SLC38A11: variants seen among roughly 807,000 people sequenced by gnomAD.
The protein encoded by SLC38A11 is solute carrier family 38 member 11, also known as putative sodium-coupled neutral amino acid transporter 11.
Under a neutral mutation model 49.4 loss-of-function variants are expected in SLC38A11, and 51 were observed. The ratio of observed to expected loss-of-function variants is 1.03; its 90% CI spans 0.83 to 1.30. SLC38A11 has a LOEUF of 1.30. Ranked by LOEUF, SLC38A11 falls within the 50% of genes most tolerant of loss-of-function variation. SLC38A11 has a pLI of 0.00. For synonymous variants in SLC38A11, 203 were observed against 192.9 expected, an observed-to-expected ratio of 1.05 and a Z score of -0.43; for missense variants, 574 against 556.2, an observed-to-expected ratio of 1.03 and a Z score of -0.32.
In SLC38A11 at chr2:164,937,410, C is replaced by A. The variant is rs760621838; in HGVS notation, c.557G>T (p.Gly186Val). The stretch of plus-strand genomic sequence containing the variant: ...AATTCCAAGAATCAGAGTTGTTAAA[C>A]CTGTAGAGATGAGGGAGACCTGTAA... Reference protein sequence around the residue: ...KLGKVSLISTGLTTLILGIVM... With the variant: ...KLGKVSLISTVLTTLILGIVM... The change falls in exon 7 of 12, where the codon GGT (glycine) becomes GTT (valine). Residue 186 changes from glycine to valine, a missense_variant. Gly to Val is a moderately radical substitution (Grantham distance 109). Coordinates refer to ENST00000685975, the MANE Select transcript of SLC38A11 (RefSeq NM_001351537.2). 6.2e-7 allele frequency: 1 copy of A among 1,610,076 alleles called. No individual in the cohort carries two copies. Among genetic ancestry groups the A allele is most frequent in the African/African-American group, 1.3e-5 (1 of 74,802 alleles).
intron 7 of SLC38A11, among the ~76,000 whole-genome samples, chr2:164,929,901 A>G (rs1686872028): frequency 6.6e-6 from 1 of 152,136 alleles, no homozygotes; most frequent in African/African-American, 2.4e-5. Flanking sequence ...AGAAGACAAG[A>G]AATAACCAAA....
intron 11 of SLC38A11, chr2:164,908,217 C>T (rs1010798047): frequency 4.6e-5 from 7 of 152,108 alleles, no homozygotes; most frequent in African/African-American, 1.7e-4. Flanking sequence ...AGTCCAAATC[C>T]ACTTAATTTA....
chr2:164,936,339 G>A (rs930721337), intron 7 of SLC38A11, among the ~76,000 whole-genome samples: 2 of 151,962 alleles, frequency 1.3e-5, no homozygotes, highest in Non-Finnish European at 1.5e-5. Context: ...AAGTCTATCA[G>A]TGGAAAATGA....
intron 7 of SLC38A11, among the ~76,000 whole-genome samples, chr2:164,935,350 T>C (rs1007968088): frequency 4.0e-5 from 6 of 151,698 alleles, no homozygotes; most frequent in African/African-American, 1.5e-4. Flanking sequence ...AATGGCCATA[T>C]TGAAGTGAAA....
intron 7 of SLC38A11, among the ~76,000 whole-genome samples, chr2:164,924,355 G>T (rs1040134357): frequency 1.3e-5 from 2 of 152,086 alleles, no homozygotes; most frequent in Non-Finnish European, 2.9e-5. Context: ...GGGGGCAAAG[G>T]TTGAAAAAAT....
rs1459579542 is a variant in SLC38A11 at position 164,898,699 on chromosome 2, A to G, written c.1127T>C (p.Ile376Thr). ...TTTCAGATAACAGGCTGATGGAATG[A>G]TAAAAATGAGGGGAGTTGCACAGAG... ...GVLCATPLIF[I>T]IPSACYLKLS... Residue 376 changes from isoleucine (I) to threonine (T), a missense_variant, in exon 12 of 12, where the codon ATC (isoleucine) becomes ACC (threonine). Coordinates refer to ENST00000685975, the MANE Select transcript of SLC38A11 (RefSeq NM_001351537.2). The G allele has an allele frequency of 6.2e-7, 1 of 1,613,302 alleles. No individual in the cohort carries two copies. The highest frequency in any genetic ancestry group is 2.2e-5 in the East Asian group (1 of 44,832).
chr2:164,934,334 T>C (rs76789186), intron 7 of SLC38A11, among the ~76,000 whole-genome samples: 2,140 of 152,278 alleles, frequency 0.014, 47 homozygotes, highest in African/African-American at 0.049. Flanking sequence ...ACAAAATCTC[T>C]GGTTTAATTT....
intron 5 of SLC38A11, among the ~76,000 whole-genome samples, chr2:164,940,736 T>C (rs1296115715): frequency 1.3e-5 from 2 of 149,938 alleles, no homozygotes; most frequent in African/African-American, 4.9e-5. Flanking sequence ...GTAGTGTATA[T>C]ATATGTATAT....
At chr2:164,934,141 G>A (rs899717328) in intron 7 of SLC38A11, among the ~76,000 whole-genome samples, 2 of 152,026 alleles carry the variant, frequency 1.3e-5, no homozygotes, top group Non-Finnish European at 2.9e-5. Flanking sequence ...CTGCTTATAT[G>A]ATAGTCATTT....
Position 164,898,558 on chromosome 2 carries a change from C to T in SLC38A11, c.1268G>A (p.Cys423Tyr), listed in dbSNP as rs1329437099. 6.2e-7 allele frequency: 1 copy of T among 1,613,482 alleles called. No individual in the cohort carries two copies. The highest frequency in any genetic ancestry group is 1.3e-5 in the African/African-American group (1 of 74,870). ...FVMAITNTQD[C>Y]THGQEMFYCF... Reference sequence around the variant, plus strand: ...GTAGAACATTTCCTGCCCATGGGTGCAGTCTTGAGTATTTGTAATAGCCAT... The same window carrying T: ...GTAGAACATTTCCTGCCCATGGGTGTAGTCTTGAGTATTTGTAATAGCCAT... The change falls in exon 12 of 12, where the codon TGC becomes TAC. Residue 423 changes from cysteine to tyrosine, a missense_variant. Coordinates refer to ENST00000685975, the MANE Select transcript of SLC38A11 (RefSeq NM_001351537.2).
intron 7 of SLC38A11, among the ~76,000 whole-genome samples, chr2:164,921,062 T>A (rs974624695): frequency 6.6e-6 from 1 of 151,732 alleles, no homozygotes; most frequent in African/African-American, 2.4e-5. Context: ...TAAACTTAAT[T>A]TTAAAAGTTG....
At chr2:164,952,301 T>C (rs910304314) in intron 3 of SLC38A11, among the ~76,000 whole-genome samples, 26 of 152,128 alleles carry the variant, frequency 1.7e-4, no homozygotes, top group African/African-American at 6.3e-4. Flanking sequence ...TCACCAGAGC[T>C]TCATTTCTAC....
chr2:164,915,606 C>T (rs1685726995), intron 8 of SLC38A11: 1 of 422,380 alleles, frequency 2.4e-6, no homozygotes, highest in African/African-American at 2.0e-5. Context: ...CCATTTGGGA[C>T]ATAATAAAGG....
At chr2:164,909,899 T>C (rs1473256751) in intron 10 of SLC38A11, among the ~76,000 whole-genome samples, 1 of 152,126 alleles carries the variant, frequency 6.6e-6, no homozygotes, top group Non-Finnish European at 1.5e-5. Context: ...ATGGTGATAT[T>C]AATAACATAA....
chr2:164,915,086 C>T, intron 9 of SLC38A11, 26 bp downstream of exon 9: 3 of 1,586,064 alleles, frequency 1.9e-6, no homozygotes, highest in East Asian at 2.3e-5. Context: ...TGCACATGAA[C>T]ACTATAACTG....
At chr2:164,918,131 T>C (rs1409618452) in intron 7 of SLC38A11, among the ~76,000 whole-genome samples, 1 of 151,294 alleles carries the variant, frequency 6.6e-6, no homozygotes, top group Non-Finnish European at 1.5e-5. Context: ...TTTTATGAGA[T>C]TGCTGAAACT....
At position 164,898,680 on chromosome 2, in the gene SLC38A11, A is replaced by T. The variant is rs1221457090; in HGVS notation, c.1146T>A (p.Tyr382Ter). 1.2e-6 allele frequency: 2 copies of T among 1,613,520 alleles called. No individual in the cohort carries two copies. Among genetic ancestry groups the T allele is most frequent in the Non-Finnish European group, 1.7e-6 (2 of 1,179,640 alleles). ...PLIFIIPSAC[Y>*]LKLSEEPRTH... ...TCCTTGGTTCTTCAGACAGTTTCAGATAACAGGCTGATGGAATGATAAAAA... is the reference window on the plus strand; with the variant it reads ...TCCTTGGTTCTTCAGACAGTTTCAGTTAACAGGCTGATGGAATGATAAAAA... The change falls in exon 12 of 12, where the codon TAT becomes TAA. Residue 382 changes from tyrosine (Y) to a stop codon, truncating the protein, a stop_gained. Transcript: ENST00000685975. LOFTEE classifies it high-confidence loss of function.
chr2:164,943,246 G>A (rs1687901494), intron 5 of SLC38A11, among the ~76,000 whole-genome samples: 1 of 152,162 alleles, frequency 6.6e-6, no homozygotes, highest in South Asian at 2.1e-4. Flanking sequence ...GTGAAAAGTT[G>A]AACAGGGAGT....
rs1221502427 is a variant in SLC38A11 at position 164,910,940 on chromosome 2, T to C, written c.963+696A>G. Among the ~76,000 whole-genome samples, 4 of 152,042 alleles carry C rather than the reference T, an allele frequency of 2.6e-5. No individual in the cohort carries two copies. The South Asian group carries it at 6.2e-4, about 24-fold the overall frequency. On this transcript the variant is annotated intron_variant, in intron 10 of 11. Transcript: ENST00000685975. ...CTTTCAGATAATATTTCTCTACAAA[T>C]ACAAGTGGAATATATAACCCAATTT...
Sources: allele counts gnomAD v4.1 joint callset (sites outside exome capture counted in the v4.1 genomes callset), GRCh38; gene constraint gnomAD v4.1.1; transcripts MANE v1.5; gene names NCBI Gene and HGNC (gene_info 2026-07-23, HGNC 2026-07-21).